The following NWD2 variants were observed in gnomAD, a reference collection of about 807,000 sequenced individuals.
NWD2 encodes the protein NACHT and WD repeat domain containing 2.
NWD2 carries 37 observed loss-of-function variants against 132.7 expected under a neutral mutation model. The observed-to-expected ratio is 0.28, with a 90% CI of 0.21 to 0.37. The LOEUF is 0.37. NWD2 is among the 10% of genes least tolerant of loss of function. The probability of loss-of-function intolerance (pLI) is 1.00; values close to 1 mark genes in which losing one functional copy is unlikely to be tolerated. For synonymous variants in NWD2, 705 were observed against 803.0 expected, an observed-to-expected ratio of 0.88 and a Z score of 2.06; for missense variants, 1,592 against 2,122.4, an observed-to-expected ratio of 0.75 and a Z score of 4.91.
Position 37,270,916 on chromosome 4 carries a change from T to C in NWD2, c.151+25698T>C, listed in dbSNP as rs933367590. ...GGTTTAATCCAGTTTGAGTGGATTT[T>C]TGCATGTGGTAAAAGACAAAAAGTT... is the stretch of plus-strand genomic sequence containing the variant. On this transcript the variant is annotated intron_variant, in intron 1 of 6. Coordinates refer to ENST00000309447, the MANE Select transcript of NWD2 (RefSeq NM_001144990.2). Among the ~76,000 whole-genome samples the C allele has an allele frequency of 2.6e-5, 4 of 151,888 alleles. No homozygotes were observed. The East Asian group carries it at 5.8e-4, about 22-fold the overall frequency.
intron 1 of NWD2, among the ~76,000 whole-genome samples, chr4:37,248,430 A>T (rs192358140): frequency 2.0e-5 from 3 of 152,270 alleles, no homozygotes; most frequent in Non-Finnish European, 4.4e-5. Context: ...CTGGAGAAGG[A>T]CCCATGTGGG....
chr4:37,259,269 T>C (rs13110955), intron 1 of NWD2, among the ~76,000 whole-genome samples: 30,576 of 152,208 alleles, frequency 0.2, 3,287 homozygotes, highest in Non-Finnish European at 0.24. Context: ...GATTCAATTC[T>C]GCTGAAGTAA....
chr4:37,292,908 C>T (rs901633158), intron 1 of NWD2, among the ~76,000 whole-genome samples: 9 of 152,122 alleles, frequency 5.9e-5, no homozygotes, highest in African/African-American at 2.2e-4. Flanking sequence ...GCCTGCTTGC[C>T]CACCGCTCAC....
At chr4:37,274,611 T>A (rs1242206821) in intron 1 of NWD2, among the ~76,000 whole-genome samples, 17 of 152,038 alleles carry the variant, frequency 1.1e-4, no homozygotes, top group Non-Finnish European at 2.2e-4. Flanking sequence ...TACCAAAGCC[T>A]GGCAGAGACA....
intron 1 of NWD2, among the ~76,000 whole-genome samples, chr4:37,280,438 A>C (rs1718105684): frequency 6.6e-6 from 1 of 152,168 alleles, no homozygotes; most frequent in Non-Finnish European, 1.5e-5. Context: ...CCACATGGAC[A>C]TGCCAGTTCA....
chr4:37,341,751 A>G (rs1038527536), intron 2 of NWD2, among the ~76,000 whole-genome samples: 2 of 152,236 alleles, frequency 1.3e-5, no homozygotes, highest in Non-Finnish European at 2.9e-5. Flanking sequence ...TTTCATCCGT[A>G]AAACAGAATA....
chr4:37,253,473 G>C (rs1030255232), intron 1 of NWD2, among the ~76,000 whole-genome samples: 3 of 152,198 alleles, frequency 2.0e-5, no homozygotes, highest in African/African-American at 7.2e-5. Context: ...CCAAGGGATA[G>C]AAGTGAGCAG....
intron 1 of NWD2, 131 bp downstream of exon 1, chr4:37,245,349 C>A: frequency 8.9e-7 from 1 of 1,120,890 alleles, no homozygotes; most frequent in Non-Finnish European, 1.2e-6. Flanking sequence ...CGTGGCCGCC[C>A]TGAGCGCGTG....
chr4:37,360,763 A>T (rs979681754), intron 3 of NWD2, among the ~76,000 whole-genome samples: 3 of 152,180 alleles, frequency 2.0e-5, no homozygotes, highest in Admixed American at 6.6e-5. Context: ...AGGTCATATG[A>T]TGCTAATTCT....
intron 2 of NWD2, among the ~76,000 whole-genome samples, chr4:37,351,769 A>G (rs758463442): frequency 1.1e-4 from 16 of 152,068 alleles, no homozygotes; most frequent in Non-Finnish European, 2.1e-4. Context: ...TTGTGATGTT[A>G]GGGTGTCGAT....
rs61746177 is a variant in NWD2 at position 37,340,300 on chromosome 4, C to T, written c.240+14276C>T. On this transcript the variant is annotated intron_variant, in intron 2 of 6. Transcript: ENST00000309447. ...CTAAACTCTCTGAAGGACAGTGTCCCGTGTACCTGTCCTTCAAGTCCAGAT... is the reference window on the plus strand; with the variant it reads ...CTAAACTCTCTGAAGGACAGTGTCCTGTGTACCTGTCCTTCAAGTCCAGAT... Among the ~76,000 whole-genome samples, 1,448 of 152,224 alleles carry T rather than the reference C, an allele frequency of 9.5e-3. 13 individuals carry two copies. The highest frequency in any genetic ancestry group is 0.033 in the African/African-American group (1,366 of 41,522).
At chr4:37,400,835 G>T (rs552001579) in intron 3 of NWD2, among the ~76,000 whole-genome samples, 4 of 152,290 alleles carry the variant, frequency 2.6e-5, no homozygotes, top group African/African-American at 9.6e-5. Context: ...AACGTCAACT[G>T]AAACAGACTT....
chr4:37,257,360 T>G (rs1717541533), intron 1 of NWD2, among the ~76,000 whole-genome samples: 1 of 152,234 alleles, frequency 6.6e-6, no homozygotes, highest in Non-Finnish European at 1.5e-5. Flanking sequence ...GTCCTAAGAA[T>G]GAAGAAGTTG....
At chr4:37,291,417 T>C (rs1262875809) in intron 1 of NWD2, among the ~76,000 whole-genome samples, 1 of 152,188 alleles carries the variant, frequency 6.6e-6, no homozygotes, top group Admixed American at 6.5e-5. Flanking sequence ...AATTTAATTT[T>C]AATTACATCA....
intron 1 of NWD2, among the ~76,000 whole-genome samples, chr4:37,278,657 C>G (rs1718070981): frequency 6.6e-6 from 1 of 152,160 alleles, no homozygotes. Flanking sequence ...TTTGATCAAT[C>G]CACCAGCCCC....
chr4:37,264,470 G>A (rs907846268), intron 1 of NWD2, among the ~76,000 whole-genome samples: 10 of 151,968 alleles, frequency 6.6e-5, no homozygotes, highest in African/African-American at 2.2e-4. Flanking sequence ...CAGTAAACTC[G>A]GTGTTCTGGA....
chr4:37,269,636 G>C (rs926500049), intron 1 of NWD2, among the ~76,000 whole-genome samples: 1 of 151,824 alleles, frequency 6.6e-6, no homozygotes, highest in Admixed American at 6.6e-5. Flanking sequence ...TCAGCATAAG[G>C]TTTTGAAGAT....
chr4:37,392,143 G>T (rs1337675257), intron 3 of NWD2, among the ~76,000 whole-genome samples: 1 of 152,178 alleles, frequency 6.6e-6, no homozygotes, highest in Non-Finnish European at 1.5e-5. Flanking sequence ...AGAGGTTGCA[G>T]TAAGCCGAGA....
chr4:37,414,135 A>G (rs1266711612), intron 3 of NWD2, among the ~76,000 whole-genome samples: 1 of 152,198 alleles, frequency 6.6e-6, no homozygotes. Context: ...AAAAGAAAAA[A>G]AAGAAATTAT....
Sources: gnomAD v4.1 joint callset for allele counts (sites outside exome capture counted in the v4.1 genomes callset) on GRCh38, gnomAD v4.1.1 for gene constraint, MANE v1.5 for transcripts, NCBI Gene and HGNC (gene_info 2026-07-23, HGNC 2026-07-21) for gene names.